The following RIMS1 variants were observed in gnomAD, a reference collection of about 807,000 sequenced individuals.
RIMS1 encodes regulating synaptic membrane exocytosis protein 1.
In RIMS1, 83 loss-of-function variants were observed where a neutral mutation model predicts 214.1. The observed-to-expected ratio is 0.39, with a 90% CI of 0.32 to 0.47. The LOEUF (loss-of-function observed/expected upper bound fraction) is 0.47. Among genes scored for constraint, RIMS1 ranks in the 20% least tolerant of loss-of-function variants. The pLI is 0.99. For synonymous variants in RIMS1, 793 were observed against 786.8 expected, an observed-to-expected ratio of 1.01 and a Z score of -0.13; for missense variants, 2,050 against 2,161.8, an observed-to-expected ratio of 0.95 and a Z score of 1.03.
intron 2 of RIMS1, among the ~76,000 whole-genome samples, chr6:72,006,363 C>A (rs1420145561): frequency 6.6e-6 from 1 of 152,094 alleles, no homozygotes; most frequent in Non-Finnish European, 1.5e-5. Flanking sequence ...TCCAAGATGG[C>A]CAAATAGGAA....
chr6:71,964,810 A>C (rs1375142209), intron 1 of RIMS1, among the ~76,000 whole-genome samples: 1 of 152,186 alleles, frequency 6.6e-6, no homozygotes, highest in Non-Finnish European at 1.5e-5. Context: ...GGTAGGAAAT[A>C]GGAATGTTGC....
intron 1 of RIMS1, among the ~76,000 whole-genome samples, chr6:71,894,711 TG>T (rs1020658083): frequency 7.9e-5 from 12 of 152,202 alleles, no homozygotes; most frequent in African/African-American, 2.9e-4. Flanking sequence ...TGAGTTTAGA[TG>T]GCAAAATGAG....
chr6:71,941,397 C>T lies in RIMS1; in HGVS notation c.165-27586C>T, dbSNP rs143126248. The stretch of plus-strand genomic sequence containing the variant: ...TAATTGGAATATCCATTATCACCTG[C>T]CTTTTTACATAGAAGTGTGTTATAA... On this transcript the variant is annotated intron_variant, in intron 1 of 33. Coordinates refer to ENST00000521978, the MANE Select transcript of RIMS1 (RefSeq NM_014989.7). Among the ~76,000 whole-genome samples, 346 of 152,268 alleles carry T rather than the reference C, an allele frequency of 2.3e-3. 1 individual carries two copies. The highest frequency in any genetic ancestry group is 7.7e-3 in the African/African-American group (322 of 41,552).
Position 72,099,920 on chromosome 6 carries a change from T to C in RIMS1, c.460-55T>C. ...TTATTAATACATGGCTCAATTTTGT[T>C]TTTCTTTTCTTTGTCTTCTTTCTCT... On this transcript the variant is annotated intron_variant, in intron 3 of 33. Transcript: ENST00000521978. 7 of 1,514,912 alleles carry C rather than the reference T, an allele frequency of 4.6e-6. No homozygotes were observed. In the South Asian group the frequency reaches 8.0e-5, roughly 17 times the overall value. 93.8% of individuals were successfully genotyped at this position (1,514,912 alleles called of 1,614,324 possible).
At chr6:72,190,141 A>G (rs2049821440) in intron 6 of RIMS1, among the ~76,000 whole-genome samples, 1 of 152,132 alleles carries the variant, frequency 6.6e-6, no homozygotes, top group South Asian at 2.1e-4. Flanking sequence ...ATTTCCCTTC[A>G]CTGCTGTCCT....
intron 27 of RIMS1, among the ~76,000 whole-genome samples, chr6:72,309,755 C>T (rs2095419593): frequency 6.6e-6 from 1 of 151,732 alleles, no homozygotes; most frequent in Non-Finnish European, 1.5e-5. Context: ...GATATGGTAG[C>T]TTTAAAAACT....
intron 4 of RIMS1, among the ~76,000 whole-genome samples, chr6:72,115,939 G>C (rs2036988423): frequency 6.6e-6 from 1 of 151,778 alleles, no homozygotes; most frequent in African/African-American, 2.4e-5. Flanking sequence ...ACATATTTTA[G>C]AACTAGAGAC....
chr6:72,119,364 A>G (rs556230191), intron 4 of RIMS1, among the ~76,000 whole-genome samples: 1 of 152,058 alleles, frequency 6.6e-6, no homozygotes, highest in Non-Finnish European at 1.5e-5. Context: ...AGTAGAATCA[A>G]TATTGTGAAA....
chr6:72,079,954 G>A (rs1347661184), intron 2 of RIMS1, among the ~76,000 whole-genome samples: 1 of 150,662 alleles, frequency 6.6e-6, no homozygotes, highest in Non-Finnish European at 1.5e-5. Flanking sequence ...AAAACAAAAC[G>A]GGCTGAGCAC....
rs2064401 is a variant in RIMS1 at position 72,322,098 on chromosome 6, T to C, written c.4130+8426T>C. Reference sequence around the variant, plus strand: ...AAATGAGAGGAAATGCCAAAAATAGTTGCTTACTTGTTCAGCTATTGAACA... The same window carrying C: ...AAATGAGAGGAAATGCCAAAAATAGCTGCTTACTTGTTCAGCTATTGAACA... On this transcript the variant is annotated intron_variant, in intron 28 of 33. Coordinates refer to ENST00000521978, the MANE Select transcript of RIMS1 (RefSeq NM_014989.7). Among the ~76,000 whole-genome samples, 12 of 152,200 alleles carry C rather than the reference T, an allele frequency of 7.9e-5. No individual in the cohort carries two copies. In the East Asian group the frequency reaches 2.3e-3, roughly 29 times the overall value.
intron 6 of RIMS1, among the ~76,000 whole-genome samples, chr6:72,230,390 A>G (rs2061567688): frequency 6.6e-6 from 1 of 151,710 alleles, no homozygotes; most frequent in Admixed American, 6.6e-5. Context: ...TACTACCTGC[A>G]CATTAGGTAC....
intron 2 of RIMS1, among the ~76,000 whole-genome samples, chr6:72,031,625 C>T (rs568787317): frequency 1.3e-5 from 2 of 152,168 alleles, no homozygotes; most frequent in East Asian, 3.9e-4. Flanking sequence ...GCAATAAAAA[C>T]AAACCTACGG....
intron 23 of RIMS1, 123 bp downstream of exon 23, chr6:72,274,555 G>A (rs986392567): frequency 1.1e-5 from 8 of 719,368 alleles, no homozygotes; most frequent in African/African-American, 1.0e-4. Context: ...AGCCAGATAT[G>A]TTAGATGTAG....
intron 29 of RIMS1, among the ~76,000 whole-genome samples, chr6:72,353,317 A>G (rs193097909): frequency 2.6e-5 from 4 of 152,212 alleles, no homozygotes; most frequent in Admixed American, 2.6e-4. Flanking sequence ...TAAAGTCTGA[A>G]AATACTGGTG....
intron 24 of RIMS1, among the ~76,000 whole-genome samples, chr6:72,288,968 A>G (rs1404366338): frequency 1.3e-5 from 2 of 152,300 alleles, no homozygotes; most frequent in Admixed American, 6.5e-5. Flanking sequence ...GGCTCAGGAG[A>G]TGGAACACTA....
chr6:72,393,055 T>A, intron 31 of RIMS1, among the ~76,000 whole-genome samples: 1 of 147,628 alleles, frequency 6.8e-6, no homozygotes. Flanking sequence ...TAGATGTAAA[T>A]GTAGGACATG....
chr6:71,917,067 C>T (rs1778636215), intron 1 of RIMS1, among the ~76,000 whole-genome samples: 1 of 152,064 alleles, frequency 6.6e-6, no homozygotes, highest in Non-Finnish European at 1.5e-5. Flanking sequence ...GTGACCATGA[C>T]AGATTTTTAA....
At chr6:72,329,401 A>T (rs2096585170) in intron 28 of RIMS1, among the ~76,000 whole-genome samples, 1 of 151,818 alleles carries the variant, frequency 6.6e-6, no homozygotes, top group South Asian at 2.1e-4. Context: ...ACATATAGTT[A>T]TTGGGGAAAA....
chr6:72,130,105 T>C (rs1169312647), intron 4 of RIMS1, among the ~76,000 whole-genome samples: 1 of 152,098 alleles, frequency 6.6e-6, no homozygotes, highest in East Asian at 1.9e-4. Flanking sequence ...GAAAAATATA[T>C]TTATTTATTT....
Sources: allele counts gnomAD v4.1 joint callset (sites outside exome capture counted in the v4.1 genomes callset), GRCh38; gene constraint gnomAD v4.1.1; transcripts MANE v1.5; gene names NCBI Gene and HGNC (gene_info 2026-07-23, HGNC 2026-07-21).